Variants in MANBAL observed in about 807,000 individuals in gnomAD.
MANBAL encodes the protein mannosidase beta like, also known as protein MANBAL.
Under a neutral mutation model 6.4 loss-of-function variants are expected in MANBAL, and 1 was observed. That is an observed-to-expected ratio of 0.16 (90% CI 0.06 to 0.74). MANBAL has a LOEUF of 0.74. Among genes scored for constraint, MANBAL ranks in the 30% least tolerant of loss-of-function variants. The pLI is 0.78. For synonymous variants in MANBAL, 47 were observed against 45.8 expected (o/e 1.03, Z -0.10); for missense variants, 100 against 107.8 (o/e 0.93, Z 0.32).
Position 37,313,430 on chromosome 20 carries a change from C to T in MANBAL, c.151-2878C>T, listed in dbSNP as rs1043746643. 6.6e-5 allele frequency among the ~76,000 whole-genome samples: 10 copies of T among 151,750 alleles called. No individual in the cohort carries two copies. In the East Asian group the frequency reaches 1.9e-3, roughly 29 times the overall value. ...AATAATAGTGGCATTATGGGCTGGG[C>T]GCAGTGGCTCACGCCTGTAATCCCA... On this transcript the variant is annotated intron_variant, in intron 2 of 2. Coordinates refer to ENST00000373606, the MANE Select transcript of MANBAL (RefSeq NM_001003897.2).
intron 1 of MANBAL, chr20:37,296,861 C>T (rs912519803): frequency 2.0e-5 from 3 of 152,102 alleles, no homozygotes; most frequent in Non-Finnish European, 4.4e-5. Flanking sequence ...GATTATTAGC[C>T]CAAAGTGTAG....
chr20:37,302,287 A>G (rs2069157633), intron 2 of MANBAL: 1 of 1,550,588 alleles, frequency 6.4e-7, no homozygotes, highest in South Asian at 1.2e-5. Context: ...CAGGAGTTCC[A>G]TGTAGAGGCC....
intron 2 of MANBAL, chr20:37,302,357 C>T (rs1465294241): frequency 2.6e-6 from 4 of 1,549,692 alleles, no homozygotes; most frequent in Non-Finnish European, 2.6e-6. Flanking sequence ...CTATGTACTC[C>T]CTACTGTGTG....
intron 1 of MANBAL, among the ~76,000 whole-genome samples, chr20:37,298,159 C>T (rs905117218): frequency 6.6e-6 from 1 of 152,034 alleles, no homozygotes; most frequent in South Asian, 2.1e-4. Flanking sequence ...GTACTCCAGC[C>T]TGGGTGACAG....
At chr20:37,308,364 C>T (rs1194525039) in intron 2 of MANBAL, among the ~76,000 whole-genome samples, 1 of 152,158 alleles carries the variant, frequency 6.6e-6, no homozygotes, top group Non-Finnish European at 1.5e-5. Context: ...TGTGGCCTCC[C>T]TGAAGTCCAC....
At position 37,317,230 on chromosome 20, in the gene MANBAL, T is replaced by C. The variant is rs2069543164; in HGVS notation, c.*815T>C. Reference sequence around the variant, plus strand: ...AGTGAGAGGGTTCCTGGGGGAAGTATGGTGAATAAACTGACATGCATGCTT... The same window carrying C: ...AGTGAGAGGGTTCCTGGGGGAAGTACGGTGAATAAACTGACATGCATGCTT... On this transcript the variant is annotated 3_prime_UTR_variant, in exon 3 of 3. Transcript: ENST00000373606. 1 of 152,622 alleles carries C rather than the reference T, an allele frequency of 6.6e-6. No individual in the cohort carries two copies. The highest frequency in any genetic ancestry group is 1.5e-5 in the Non-Finnish European group (1 of 68,078). The allele number at this position is 152,622 out of a possible 1,614,324, so 9.5% of individuals were successfully genotyped here. A position where few individuals can be genotyped will look rare whatever the true frequency, so the allele number is the denominator to read the frequency against.
At chr20:37,311,635 G>A (rs1214984317) in intron 2 of MANBAL, among the ~76,000 whole-genome samples, 1 of 152,112 alleles carries the variant, frequency 6.6e-6, no homozygotes, top group South Asian at 2.1e-4. Flanking sequence ...TTACAGGCAT[G>A]CACCACCACG....
chr20:37,292,305 G>T (rs1322926455), intron 1 of MANBAL, among the ~76,000 whole-genome samples: 2 of 152,150 alleles, frequency 1.3e-5, no homozygotes, highest in African/African-American at 4.8e-5. Flanking sequence ...TGAACTCATG[G>T]ATTTGTTTTG....
At chr20:37,308,737 C>T (rs1256839803) in intron 2 of MANBAL, among the ~76,000 whole-genome samples, 2 of 151,680 alleles carry the variant, frequency 1.3e-5, no homozygotes, top group Non-Finnish European at 2.9e-5. Context: ...AAGCCTCTTC[C>T]GGATCGATTT....
intron 2 of MANBAL, among the ~76,000 whole-genome samples, chr20:37,313,720 C>A (rs913946241): frequency 6.6e-6 from 1 of 152,064 alleles, no homozygotes; most frequent in African/African-American, 2.4e-5. Flanking sequence ...AGAATGGTGG[C>A]ATTATAAGGT....
At chr20:37,308,533 A>G (rs1303212928) in intron 2 of MANBAL, among the ~76,000 whole-genome samples, 1 of 152,054 alleles carries the variant, frequency 6.6e-6, no homozygotes, top group Non-Finnish European at 1.5e-5. Context: ...CTTTCTAGGG[A>G]AGTCCTGGGA....
chr20:37,290,533 A>G (rs1406020211), intron 1 of MANBAL, among the ~76,000 whole-genome samples: 1 of 151,484 alleles, frequency 6.6e-6, no homozygotes, highest in Non-Finnish European at 1.5e-5. Context: ...ATCTTGGCTC[A>G]CTGCAACCTC....
At chr20:37,301,696 A>G (rs1464482633) in intron 2 of MANBAL, among the ~76,000 whole-genome samples, 1 of 152,250 alleles carries the variant, frequency 6.6e-6, no homozygotes, top group Non-Finnish European at 1.5e-5. Context: ...AGGAAGGCAG[A>G]TAACAAAAAC....
chr20:37,297,942 G>A (rs2069036776), intron 1 of MANBAL, among the ~76,000 whole-genome samples: 1 of 152,312 alleles, frequency 6.6e-6, no homozygotes, highest in Admixed American at 6.5e-5. Flanking sequence ...ACTGCGCCCT[G>A]TGAGGCAGGT....
intron 1 of MANBAL, chr20:37,297,558 C>G (rs1040894729): frequency 6.6e-6 from 1 of 152,112 alleles, no homozygotes; most frequent in East Asian, 1.9e-4. Flanking sequence ...TGTTTACTTA[C>G]GAAGGTTGTT....
intron 2 of MANBAL, among the ~76,000 whole-genome samples, chr20:37,307,562 G>C: frequency 6.6e-6 from 1 of 152,090 alleles, no homozygotes; most frequent in African/African-American, 2.4e-5. Context: ...TTCAAGACCA[G>C]CCTGGCCAAC....
intron 1 of MANBAL, among the ~76,000 whole-genome samples, chr20:37,289,926 G>T (rs1380469144): frequency 6.6e-6 from 1 of 152,268 alleles, no homozygotes; most frequent in Non-Finnish European, 1.5e-5. Context: ...TTCGTGCGGA[G>T]GCTGGGCCAG....
rs1428596972 is a variant in MANBAL, at chr20:37,316,902, A to T, written c.*487A>T. 1 of 153,394 alleles carries T rather than the reference A, an allele frequency of 6.5e-6. No individual in the cohort carries two copies. Among genetic ancestry groups the T allele is most frequent in the Non-Finnish European group, 1.5e-5 (1 of 68,814 alleles). The allele number at this position is 153,394 out of a possible 1,614,324, so 9.5% of individuals were successfully genotyped here. A position where few individuals can be genotyped will look rare whatever the true frequency, so the allele number is the denominator to read the frequency against. ...GCCTCACCTGTTTGTTTAGGCCAAG[A>T]TGCCATGGACATGCAGCGTTAGTGA... On this transcript the variant is annotated 3_prime_UTR_variant, in exon 3 of 3. Transcript: ENST00000373606.
intron 2 of MANBAL, among the ~76,000 whole-genome samples, chr20:37,315,848 C>T (rs1174904123): frequency 6.6e-6 from 1 of 152,272 alleles, no homozygotes; most frequent in Non-Finnish European, 1.5e-5. Flanking sequence ...TAGCCAGCTC[C>T]TCGCCCACAT....
Sources: allele counts gnomAD v4.1 joint callset (sites outside exome capture counted in the v4.1 genomes callset), GRCh38; gene constraint gnomAD v4.1.1; transcripts MANE v1.5; gene names NCBI Gene and HGNC (gene_info 2026-07-23, HGNC 2026-07-21).